The following RAB35 variants were observed in gnomAD, a reference collection of about 807,000 sequenced individuals.
The protein encoded by RAB35 is RAB35, member RAS oncogene family, also known as ras-related protein Rab-35.
In RAB35, 4 loss-of-function variants were observed where a neutral mutation model predicts 28.9. The ratio of observed to expected loss-of-function variants is 0.14; its 90% CI spans 0.07 to 0.32. The LOEUF (loss-of-function observed/expected upper bound fraction) is 0.32, where lower values mean the gene tolerates loss of function less well. Among genes scored for constraint, RAB35 ranks in the 10% least tolerant of loss-of-function variants. RAB35 has a pLI of 1.00. For synonymous variants in RAB35, 99 were observed against 105.1 expected (o/e 0.94, Z 0.35); for missense variants, 128 against 274.0 (o/e 0.47, Z 3.76).
At position 120,098,890 on chromosome 12, in the gene RAB35, T is replaced by G. The variant is rs780126683; in HGVS notation, c.398A>C (p.Glu133Ala). Residue 133 changes from glutamate (E) to alanine (A), a missense_variant, in exon 5 of 6, where the codon GAA (glutamate) becomes GCA (alanine). Glu to Ala is a moderately radical substitution (Grantham distance 107). Transcript: ENST00000229340. ...CTGCCCGGCGAATTTGTAGGCATCT[T>G]CCGTCTCCACCACCTTCCGCTCAGG... Reference protein sequence around the residue: ...DDPERKVVETEDAYKFAGQMG... With the variant: ...DDPERKVVETADAYKFAGQMG... The G allele has an allele frequency of 6.2e-7, 1 of 1,614,230 alleles. No individual in the cohort carries two copies. Among genetic ancestry groups the G allele is most frequent in the Non-Finnish European group, 8.5e-7 (1 of 1,180,046 alleles).
At chr12:120,104,449 G>A (rs1875787062) in intron 2 of RAB35, among the ~76,000 whole-genome samples, 1 of 152,204 alleles carries the variant, frequency 6.6e-6, no homozygotes, top group South Asian at 2.1e-4. Context: ...GCCGTGAGTG[G>A]GGGCGGTCAC....
In RAB35 at chr12:120,097,392, A is replaced by G; in HGVS notation, c.478-19T>C. ...TGAACATCTGTGGAGAGGAAAGAGGAAGGGCCCGCCTCAGACCTGGCCAGG... is the reference window on the plus strand; with the variant it reads ...TGAACATCTGTGGAGAGGAAAGAGGGAGGGCCCGCCTCAGACCTGGCCAGG... On this transcript the variant is annotated intron_variant, in intron 5 of 5. Transcript: ENST00000229340. 1 of 1,599,522 alleles carries G rather than the reference A, an allele frequency of 6.3e-7. No homozygotes were observed. The highest frequency in any genetic ancestry group is 1.1e-5 in the South Asian group (1 of 89,260).
intron 1 of RAB35, among the ~76,000 whole-genome samples, chr12:120,113,756 G>T (rs1001806489): frequency 1.3e-5 from 2 of 151,658 alleles, no homozygotes; most frequent in Admixed American, 1.3e-4. Context: ...AGGTGGAGCC[G>T]GCAGTGAGCC....
At chr12:120,108,719 G>C (rs1875993446) in intron 1 of RAB35, 2 of 639,998 alleles carry the variant, frequency 3.1e-6, no homozygotes, top group East Asian at 6.2e-5. Context: ...GGAGAGATGA[G>C]AAAGGGACTG....
intron 3 of RAB35, 182 bp from the exon 4 acceptor site, chr12:120,099,336 C>T (rs374891661): frequency 1.9e-5 from 15 of 779,412 alleles, no homozygotes; most frequent in South Asian, 7.3e-5. Context: ...GAGGCTACTG[C>T]GGCAGCACTG....
rs1424465416 is a variant in RAB35 at position 120,096,001 on chromosome 12, C to T, written c.*1244G>A. On this transcript the variant is annotated 3_prime_UTR_variant, in exon 6 of 6. Transcript: ENST00000229340. ...AGTGCAGATGACCCTGGTTGTTCTC[C>T]AGGGCACTGGGGCGTGTCAAAACTG... 5.9e-6 allele frequency: 1 copy of T among 168,076 alleles called. No homozygotes were observed. The highest frequency in any genetic ancestry group is 1.3e-5 in the Non-Finnish European group (1 of 77,816). The allele number at this position is 168,076 out of a possible 1,614,324, so 10.4% of individuals were successfully genotyped here. A position where few individuals can be genotyped will look rare whatever the true frequency, so the allele number is the denominator to read the frequency against.
In RAB35 at chr12:120,103,910, C is replaced by T. The variant is rs750190278; in HGVS notation, c.143G>A (p.Arg48Gln). The change falls in exon 3 of 6, where the codon CGG becomes CAG. Residue 48 changes from arginine (R) to glutamine (Q), a missense_variant. Arg to Gln is a conservative substitution (Grantham distance 43). Transcript: ENST00000229340. The surrounding 1 kb of genome is among the most constrained non-coding windows in gnomAD (Gnocchi z 6.1). ...CTTCTCCCCGTTGATCTCCACGGTCCGGATCTTGAAATCCACTCCGATCGT... is the reference window on the plus strand; with the variant it reads ...CTTCTCCCCGTTGATCTCCACGGTCTGGATCTTGAAATCCACTCCGATCGT... ...ITTIGVDFKI[R>Q]TVEINGEKVK... is the part of the protein sequence containing the mutation. The T allele has an allele frequency of 1.2e-6, 2 of 1,613,998 alleles. No individual in the cohort carries two copies.
At position 120,110,290 on chromosome 12, in the gene RAB35, ATT is replaced by A. The variant is rs3999541; in HGVS notation, c.53-1825_53-1824del. Among the ~76,000 whole-genome samples the A allele has an allele frequency of 2.4e-4, 21 of 88,588 alleles. 3 individuals are homozygous for A. The highest frequency in any genetic ancestry group is 1.0e-3 in the African/African-American group (21 of 20,064). The allele number at this position is 88,588 out of a possible 152,430, so 58.1% of individuals were successfully genotyped here. The stretch of plus-strand genomic sequence containing the variant: ...TCTGTTCATGGGAGAAGCCCACAGC[ATT>A]TTTTTTTTTTTTGGAGAGATAGGGC... On this transcript the variant is annotated intron_variant, in intron 1 of 5. Transcript: ENST00000229340.
chr12:120,114,023 A>T (rs979815008), intron 1 of RAB35, among the ~76,000 whole-genome samples: 2 of 152,156 alleles, frequency 1.3e-5, no homozygotes, highest in Non-Finnish European at 2.9e-5. Flanking sequence ...TAGCACTGAG[A>T]TGCAGTGGCT....
rs1272955470 is a variant in RAB35 at position 120,096,806 on chromosome 12, G to A, written c.*439C>T. 3.9e-6 allele frequency: 5 copies of A among 1,291,902 alleles called. No individual in the cohort carries two copies. The Admixed American group carries it at 1.1e-4, about 30-fold the overall frequency. The allele number at this position is 1,291,902 out of a possible 1,614,324, so 80.0% of individuals were successfully genotyped here. ...CTGGCACGGGCTGGCCGCAGACGCA[G>A]CTAGAACGTGCCGCTGTCTCCTCAG... is the stretch of plus-strand genomic sequence containing the variant. On this transcript the variant is annotated 3_prime_UTR_variant, in exon 6 of 6. Coordinates refer to ENST00000229340, the MANE Select transcript of RAB35 (RefSeq NM_006861.7).
At chr12:120,112,912 T>C (rs1207396081) in intron 1 of RAB35, among the ~76,000 whole-genome samples, 3 of 148,624 alleles carry the variant, frequency 2.0e-5, no homozygotes, top group African/African-American at 7.5e-5. Context: ...TTTTTTGAGA[T>C]GAAGTCTCGC....
chr12:120,097,211 C>T lies in RAB35; in HGVS notation c.*34G>A, dbSNP rs1382760680. 6.2e-7 allele frequency: 1 copy of T among 1,614,064 alleles called. No homozygotes were observed. The highest frequency in any genetic ancestry group is 1.3e-5 in the African/African-American group (1 of 74,962). The stretch of plus-strand genomic sequence containing the variant: ...CGTGGGCCTCGGGCTGGGGGAGGGA[C>T]CGCAGTGCAGTCTCTGCAGTGGACT... On this transcript the variant is annotated 3_prime_UTR_variant, in exon 6 of 6. Transcript: ENST00000229340.
chr12:120,101,336 C>T (rs1875648417), intron 3 of RAB35, among the ~76,000 whole-genome samples: 1 of 152,204 alleles, frequency 6.6e-6, no homozygotes, highest in African/African-American at 2.4e-5. Flanking sequence ...GTCCTGGCGC[C>T]CAGGGCTGAC....
chr12:120,097,203 G>T lies in RAB35; in HGVS notation c.*42C>A, dbSNP rs767552707. On this transcript the variant is annotated 3_prime_UTR_variant, in exon 6 of 6. Coordinates refer to ENST00000229340, the MANE Select transcript of RAB35 (RefSeq NM_006861.7). ...GGAACCTCCGTGGGCCTCGGGCTGG[G>T]GGAGGGACCGCAGTGCAGTCTCTGC... is the stretch of plus-strand genomic sequence containing the variant. The T allele has an allele frequency of 6.2e-7, 1 of 1,614,150 alleles. No homozygotes were observed. Among genetic ancestry groups the T allele is most frequent in the Admixed American group, 1.7e-5 (1 of 60,030 alleles).
chr12:120,098,655 C>A (rs1050704739), intron 5 of RAB35, among the ~76,000 whole-genome samples, 156 bp downstream of exon 5: 1 of 152,242 alleles, frequency 6.6e-6, no homozygotes. Flanking sequence ...GAACTATGAA[C>A]TAAGATCGTT....
chr12:120,098,285 G>T (rs11833221), intron 5 of RAB35, among the ~76,000 whole-genome samples: 18,852 of 152,304 alleles, frequency 0.12, 1,464 homozygotes, highest in East Asian at 0.4. Flanking sequence ...GGCATGTGGG[G>T]CCCAGAGAGG....
At position 120,095,900 on chromosome 12, in the gene RAB35, T is replaced by TGG; in HGVS notation, c.*1344_*1345insCC. The stretch of plus-strand genomic sequence containing the variant: ...AAACACATCCTGGTGTTAAACTCGG[T>TGG]TCTTCCCAGGTCACTTGATCCCTGT... On this transcript the variant is annotated 3_prime_UTR_variant, in exon 6 of 6. Transcript: ENST00000229340. 6.5e-6 allele frequency: 1 copy of TGG among 153,916 alleles called. No individual in the cohort carries two copies. The highest frequency in any genetic ancestry group is 1.4e-5 in the Non-Finnish European group (1 of 69,370). 9.5% of individuals were successfully genotyped at this position (153,916 alleles called of 1,614,324 possible). A position where few individuals can be genotyped will look rare whatever the true frequency, so the allele number is the denominator to read the frequency against.
At chr12:120,097,504 A>G in intron 5 of RAB35, 131 bp from the exon 6 acceptor site, 1 of 673,960 alleles carries the variant, frequency 1.5e-6, no homozygotes, top group South Asian at 1.9e-5. Context: ...TATGTCTTCA[A>G]AGCCTATTCT....
At chr12:120,116,154 G>A (rs908062620) in intron 1 of RAB35, among the ~76,000 whole-genome samples, 1 of 152,164 alleles carries the variant, frequency 6.6e-6, no homozygotes, top group African/African-American at 2.4e-5. Context: ...ACTTTACCGG[G>A]TAGGGCGCTA....
Sources: allele counts gnomAD v4.1 joint callset (sites outside exome capture counted in the v4.1 genomes callset), GRCh38; gene constraint gnomAD v4.1.1; non-coding constraint Gnocchi (gnomAD v3.1); transcripts MANE v1.5; gene names NCBI Gene and HGNC (gene_info 2026-07-23, HGNC 2026-07-21).